The following ZNF827 variants were observed in gnomAD, a reference collection of about 807,000 sequenced individuals.
ZNF827 encodes zinc finger protein 827.
In ZNF827, 13 loss-of-function variants were observed where a neutral mutation model predicts 102.4. The observed-to-expected ratio is 0.13, with a 90% CI of 0.08 to 0.20. The LOEUF (loss-of-function observed/expected upper bound fraction) is 0.20. Among genes scored for constraint, ZNF827 ranks in the 10% least tolerant of loss-of-function variants. ZNF827 has a pLI of 1.00. For synonymous variants in ZNF827, 523 were observed against 536.2 expected (o/e 0.98, Z 0.34); for missense variants, 1,103 against 1,344.4 (o/e 0.82, Z 2.81).
intron 13 of ZNF827, chr4:145,764,763 G>A (rs762567112): frequency 6.2e-5 from 36 of 580,226 alleles, no homozygotes; most frequent in Admixed American, 3.4e-4. Flanking sequence ...CCTGAATCCC[G>A]GGGTATTTGC....
chr4:145,883,922 G>C (rs941192226), intron 4 of ZNF827, among the ~76,000 whole-genome samples: 1 of 152,094 alleles, frequency 6.6e-6, no homozygotes, highest in African/African-American at 2.4e-5. Context: ...AATCCTAAAG[G>C]ATCAGAACAG....
rs144461327 is a variant in ZNF827, at chr4:145,870,327, T to C, written c.1899A>G (p.Leu633=). The C allele has an allele frequency of 2.2e-4, 361 of 1,614,150 alleles. No homozygotes were observed. In the African/African-American group the frequency reaches 4.1e-3, roughly 19 times the overall value. The part of the protein sequence containing the change: ...VSAPGVSEDA[L]KPQEGKGSVL... ...CACTTCCCTTCCCTTCCTGGGGCTT[T>C]AGTGCGTCCTCAGAGACGCCTGGGG... The change falls in exon 5 of 15, where the codon CTA becomes CTG. Residue 633 remains leucine, a synonymous_variant. Coordinates refer to ENST00000508784, the MANE Select transcript of ZNF827 (RefSeq NM_001306215.2).
chr4:145,817,975 C>A (rs1256871697), intron 8 of ZNF827, among the ~76,000 whole-genome samples: 1 of 151,828 alleles, frequency 6.6e-6, no homozygotes, highest in South Asian at 2.1e-4. Flanking sequence ...TTCCAAGTGA[C>A]TATGATATTA....
rs990183238 is a variant in ZNF827 at position 145,907,382 on chromosome 4, T to C, written c.44-4167A>G. 4.6e-5 allele frequency among the ~76,000 whole-genome samples: 7 copies of C among 152,328 alleles called. No individual in the cohort carries two copies. In the East Asian group the frequency reaches 1.3e-3, roughly 29 times the overall value. On this transcript the variant is annotated intron_variant, in intron 1 of 14. Coordinates refer to ENST00000508784, the MANE Select transcript of ZNF827 (RefSeq NM_001306215.2). ...CACACTACATCGTGAGAAAAAGTTC[T>C]CTCATTGTGGAGCTCAAAACAAAGC...
intron 1 of ZNF827, among the ~76,000 whole-genome samples, chr4:145,917,319 A>C (rs1752730046): frequency 6.6e-6 from 1 of 152,226 alleles, no homozygotes; most frequent in Non-Finnish European, 1.5e-5. Context: ...TATTGGGTTC[A>C]CAGTTCTGGA....
intron 8 of ZNF827, among the ~76,000 whole-genome samples, chr4:145,793,818 T>A (rs1308166651): frequency 6.6e-6 from 1 of 152,176 alleles, no homozygotes; most frequent in Non-Finnish European, 1.5e-5. Flanking sequence ...CTCAGCAGAA[T>A]CTTTGCCTCA....
At chr4:145,848,485 A>C (rs1044809591) in intron 6 of ZNF827, among the ~76,000 whole-genome samples, 5 of 152,218 alleles carry the variant, frequency 3.3e-5, no homozygotes, top group African/African-American at 1.2e-4. Context: ...AACAAAACAG[A>C]GTTTGTTGAA....
intron 1 of ZNF827, among the ~76,000 whole-genome samples, chr4:145,932,756 G>A (rs1327064289): frequency 6.6e-6 from 1 of 152,176 alleles, no homozygotes; most frequent in Non-Finnish European, 1.5e-5. Context: ...TTACAGGCGT[G>A]AGCCACCGCG....
intron 5 of ZNF827, among the ~76,000 whole-genome samples, chr4:145,862,375 T>C (rs1747811082): frequency 6.6e-6 from 1 of 152,220 alleles, no homozygotes; most frequent in African/African-American, 2.4e-5. Context: ...TATAGTAATA[T>C]GTTGTTTTTA....
chr4:145,922,821 T>G (rs1379716532), intron 1 of ZNF827, among the ~76,000 whole-genome samples: 1 of 152,172 alleles, frequency 6.6e-6, no homozygotes, highest in African/African-American at 2.4e-5. Context: ...AAAGTAAGAC[T>G]GATACTTCAA....
chr4:145,805,046 T>TA (rs943476650), intron 8 of ZNF827, among the ~76,000 whole-genome samples: 20 of 152,022 alleles, frequency 1.3e-4, no homozygotes, highest in African/African-American at 4.6e-4. Flanking sequence ...ATGCATCTGT[T>TA]AGAGTAATTT....
At position 145,933,575 on chromosome 4, in the gene ZNF827, AAC is replaced by A. The variant is rs1489019986; in HGVS notation, c.43+4788_43+4789del. On this transcript the variant is annotated intron_variant, in intron 1 of 14. Coordinates refer to ENST00000508784, the MANE Select transcript of ZNF827 (RefSeq NM_001306215.2). ...ATTTTAAAAAGTTTTGTTAATGAAG[AAC>A]ACAATAACCTGATCTGGTCTTGACC... Among the ~76,000 whole-genome samples the A allele has an allele frequency of 2.0e-5, 3 of 152,362 alleles. No individual in the cohort carries two copies. The East Asian group carries it at 5.8e-4, about 29-fold the overall frequency.
chr4:145,846,549 G>A lies in ZNF827; in HGVS notation c.2222-536C>T, dbSNP rs533909918. Among the ~76,000 whole-genome samples, 149 of 146,132 alleles carry A rather than the reference G, an allele frequency of 1.0e-3. 2 individuals carry two copies. Among genetic ancestry groups the A allele is most frequent in the African/African-American group, 3.7e-3 (144 of 38,622 alleles). On this transcript the variant is annotated intron_variant, in intron 6 of 14. Transcript: ENST00000508784. ...ACCATCACTCAGGCCAGGTGCTGTGGCTCATGCCTGTAATCCCAGCACTTT... is the reference window on the plus strand; with the variant it reads ...ACCATCACTCAGGCCAGGTGCTGTGACTCATGCCTGTAATCCCAGCACTTT...
At chr4:145,764,103 TC>T (rs1560885925) in intron 13 of ZNF827, among the ~76,000 whole-genome samples, 2 of 152,184 alleles carry the variant, frequency 1.3e-5, no homozygotes, top group Non-Finnish European at 2.9e-5. Flanking sequence ...AAAGGTTTTT[TC>T]CCCCTTGTGT....
intron 1 of ZNF827, among the ~76,000 whole-genome samples, chr4:145,915,216 G>A (rs986584816): frequency 5.3e-5 from 8 of 152,312 alleles, no homozygotes; most frequent in African/African-American, 1.9e-4. Context: ...GGGAGGCTGA[G>A]GCGGGTGGAT....
chr4:145,914,346 A>G (rs1413405445), intron 1 of ZNF827, among the ~76,000 whole-genome samples: 1 of 152,202 alleles, frequency 6.6e-6, no homozygotes, highest in Non-Finnish European at 1.5e-5. Flanking sequence ...GCAACCCACC[A>G]ACACATTCAC....
At chr4:145,807,973 A>G (rs573988114) in intron 8 of ZNF827, among the ~76,000 whole-genome samples, 26 of 152,256 alleles carry the variant, frequency 1.7e-4, no homozygotes, top group Non-Finnish European at 2.9e-5. Flanking sequence ...ATGAAAAACA[A>G]TTTGACCAAA....
At chr4:145,923,017 A>G (rs2126968970) in intron 1 of ZNF827, among the ~76,000 whole-genome samples, 1 of 152,334 alleles carries the variant, frequency 6.6e-6, no homozygotes, top group South Asian at 2.1e-4. Flanking sequence ...AAATGTGTCA[A>G]CATTTGGTAG....
intron 7 of ZNF827, among the ~76,000 whole-genome samples, chr4:145,824,460 G>T (rs538555097): frequency 6.6e-6 from 1 of 152,312 alleles, no homozygotes; most frequent in East Asian, 1.9e-4. Context: ...GAAGTTCCAG[G>T]GGGTAGTAAC....
Sources: allele counts gnomAD v4.1 joint callset (sites outside exome capture counted in the v4.1 genomes callset), GRCh38; gene constraint gnomAD v4.1.1; transcripts MANE v1.5; gene names NCBI Gene and HGNC (gene_info 2026-07-23, HGNC 2026-07-21).